Variants in SCRIB observed in about 807,000 individuals in gnomAD.
SCRIB encodes the protein protein scribble homolog.
In SCRIB, 72 loss-of-function variants were observed where a neutral mutation model predicts 170.0. That is an observed-to-expected ratio of 0.42 (90% CI 0.35 to 0.52). The LOEUF is 0.52. Ranked by LOEUF, SCRIB falls within the 20% of genes least tolerant of loss-of-function variation. The pLI, the probability that SCRIB is intolerant of heterozygous loss-of-function variation, is 0.02. For missense variants in SCRIB, 2,475 were observed against 2,338.5 expected (o/e 1.06, Z -1.20); for synonymous variants, 1,298 against 1,044.3 (o/e 1.24, Z -4.68).
rs1554635939 is a variant in SCRIB at position 143,804,722 on chromosome 8, C to T, written c.2855G>A (p.Gly952Asp). The change falls in exon 21 of 37, where the codon GGC becomes GAC. Residue 952 changes from glycine to aspartate, a missense_variant. By Grantham distance (94) the Gly-to-Asp change is moderately conservative. This residue lies in a region of SCRIB where 1,966 missense variants were observed against 1,742.9 expected (regional missense o/e 1.13). Transcript: ENST00000356994. ...TGGCAGAGGGCTGGGAGGAAGAGGG[C>T]CCCCAGCCTCCCGCTCCAACAGCAG... ...IALLLEREAG[G>D]PLPPSPLPHS... 6.3e-7 allele frequency: 1 copy of T among 1,585,990 alleles called. No individual in the cohort carries two copies.
rs772094840 is a variant in SCRIB, at chr8:143,808,698, C to G, written c.2026G>C (p.Glu676Gln). 5.8e-6 allele frequency: 9 copies of G among 1,553,172 alleles called. No individual in the cohort carries two copies. Among genetic ancestry groups the G allele is most frequent in the South Asian group, 3.8e-5 (3 of 79,610 alleles). The change falls in exon 15 of 37, where the codon GAG becomes CAG. Residue 676 changes from glutamate (E) to glutamine (Q), a missense_variant. Glu to Gln is a conservative substitution (Grantham distance 29). This residue lies in a region of SCRIB where 1,966 missense variants were observed against 1,742.9 expected (regional missense o/e 1.13). Coordinates refer to ENST00000356994, the MANE Select transcript of SCRIB (RefSeq NM_182706.5). ...TCTTCAGCCCTGTTTTCCTCCTCCTCCTCTTCCTCCTCCTCCTGAGGACTA... is the reference window on the plus strand; with the variant it reads ...TCTTCAGCCCTGTTTTCCTCCTCCTGCTCTTCCTCCTCCTCCTGAGGACTA... ...EGSPQEEEEE[E>Q]EEENRAEEEE...
At chr8:143,808,518 G>C in intron 15 of SCRIB, 91 bp downstream of exon 15, 5 of 1,434,746 alleles carry the variant, frequency 3.5e-6, no homozygotes, top group Non-Finnish European at 3.7e-6. Context: ...GGGGCCAGTG[G>C]GTCAGGCCTC....
intron 22 of SCRIB, 50 bp from the exon 23 acceptor site, chr8:143,803,990 G>A (rs1563797239): frequency 6.4e-6 from 10 of 1,574,266 alleles, no homozygotes; most frequent in Middle Eastern, 1.7e-4. Flanking sequence ...GCTGACCTGC[G>A]CTGGTACCTG....
At chr8:143,801,762 G>A (rs763881579) in intron 24 of SCRIB, among the ~76,000 whole-genome samples, 10 of 152,172 alleles carry the variant, frequency 6.6e-5, no homozygotes, top group Non-Finnish European at 1.3e-4. Flanking sequence ...CCCACTGCTC[G>A]GGACCCCTGG....
Position 143,808,831 on chromosome 8 carries a change from G to T in SCRIB, c.1893C>A (p.Gly631=), listed in dbSNP as rs745973254. 1.2e-6 allele frequency: 2 copies of T among 1,611,648 alleles called. No individual in the cohort carries two copies. Among genetic ancestry groups the T allele is most frequent in the Non-Finnish European group, 1.7e-6 (2 of 1,179,800 alleles). Residue 631 remains glycine (G), a synonymous_variant, in exon 15 of 37, where the codon GGC becomes GGA. Transcript: ENST00000356994. ...QPEAVVALLQ[G]MQPDGEGPVA... is the part of the protein sequence containing the mutation. ...CAGGGCCCTCCCCATCAGGCTGCAT[G>T]CCCTGCAGCAGAGCCACAACGGCCT...
chr8:143,813,434 T>C, intron 5 of SCRIB, 36 bp downstream of exon 5: 1 of 1,613,100 alleles, frequency 6.2e-7, no homozygotes, highest in Non-Finnish European at 8.5e-7. Flanking sequence ...GCTGTGGCCC[T>C]GCCCTGGCTG....
At position 143,808,499 on chromosome 8, in the gene SCRIB, G is replaced by C. The variant is rs374364555; in HGVS notation, c.2115+110C>G. On this transcript the variant is annotated intron_variant, in intron 15 of 36. Transcript: ENST00000356994. The stretch of plus-strand genomic sequence containing the variant: ...AGCACACGTGTCCACCACCTTCTCC[G>C]GGTGGCCAGGGGCCAGTGGGTCAGG... 7 of 1,328,772 alleles carry C rather than the reference G, an allele frequency of 5.3e-6. No individual in the cohort carries two copies. In the African/African-American group the frequency reaches 1.0e-4, roughly 20 times the overall value. The allele number at this position is 1,328,772 out of a possible 1,614,324, so 82.3% of individuals were successfully genotyped here.
At position 143,808,812 on chromosome 8, in the gene SCRIB, C is replaced by T; in HGVS notation, c.1912G>A (p.Gly638Ser). The T allele has an allele frequency of 1.2e-6, 2 of 1,612,262 alleles. No individual in the cohort carries two copies. Among genetic ancestry groups the T allele is most frequent in the South Asian group, 2.2e-5 (2 of 91,048 alleles). The part of the protein sequence containing the change: ...LLQGMQPDGE[G>S]PVAPGGWHNG... ...TGCCAGCCCCCGGGAGCCACAGGGC[C>T]CTCCCCATCAGGCTGCATGCCCTGC... The change falls in exon 15 of 37, where the codon GGC becomes AGC. Residue 638 changes from glycine (G) to serine (S), a missense_variant. Gly to Ser is a moderately conservative substitution (Grantham distance 56, BLOSUM62 0). Around this residue, in one of 3 missense-constraint regions of SCRIB, gnomAD observed 1,966 missense variants for 1,742.9 expected, o/e 1.13. Transcript: ENST00000356994.
chr8:143,804,810 C>G lies in SCRIB; in HGVS notation c.2767G>C (p.Val923Leu), dbSNP rs782192746. Residue 923 changes from valine (V) to leucine (L), a missense_variant, in exon 21 of 37, where the codon GTG becomes CTG. Coordinates refer to ENST00000356994, the MANE Select transcript of SCRIB (RefSeq NM_182706.5). ...DRVLSINGVD[V>L]TEARHDHAVS... ...GCGTGGTCATGCCTGGCCTCAGTCA[C>G]GTCCACTCCATTAATCTGTGAGAGC... is the stretch of plus-strand genomic sequence containing the variant. 1.6e-5 allele frequency: 25 copies of G among 1,592,574 alleles called. No homozygotes were observed. Among genetic ancestry groups the G allele is most frequent in the Non-Finnish European group, 2.1e-5 (25 of 1,174,612 alleles).
Position 143,793,900 on chromosome 8 carries a change from C to A in SCRIB, c.3909G>T (p.Gln1303His). 6.2e-7 allele frequency: 1 copy of A among 1,613,338 alleles called. No individual in the cohort carries two copies. Among genetic ancestry groups the A allele is most frequent in the Admixed American group, 1.7e-5 (1 of 59,998 alleles). The change falls in exon 28 of 37, where the codon CAG becomes CAT. Residue 1303 changes from glutamine (Q) to histidine (H), a missense_variant and splice_region_variant. Around this residue, in one of 3 missense-constraint regions of SCRIB, gnomAD observed 1,966 missense variants for 1,742.9 expected, o/e 1.13. Coordinates refer to ENST00000356994, the MANE Select transcript of SCRIB (RefSeq NM_182706.5). ...ACACCCGTTAACTTGGGACACTCAC[C>A]TGCTGGCCACTAGGGGAGCAGGGAG... Reference protein sequence around the residue: ...AESPCSPSGQQPPSPPSPDEL... With the variant: ...AESPCSPSGQHPPSPPSPDEL...
Position 143,803,674 on chromosome 8 carries a change from G to T in SCRIB, c.3387C>A (p.Pro1129=), listed in dbSNP as rs1554635513. Residue 1129 remains proline, a synonymous_variant, in exon 23 of 37, where the codon CCC becomes CCA. Transcript: ENST00000356994. The part of the protein sequence containing the change: ...ARGHAGNPRD[P]TDEGIFISKV... Reference sequence around the variant, plus strand: ...TGGAGATGAAGATGCCCTCGTCTGTGGGGTCGCGGGGGTTGCCAGCGTGGC... The same window carrying T: ...TGGAGATGAAGATGCCCTCGTCTGTTGGGTCGCGGGGGTTGCCAGCGTGGC... The T allele has an allele frequency of 6.4e-7, 1 of 1,569,952 alleles. No homozygotes were observed. Among genetic ancestry groups the T allele is most frequent in the South Asian group, 1.2e-5 (1 of 86,882 alleles).
intron 14 of SCRIB, among the ~76,000 whole-genome samples, 163 bp downstream of exon 14, chr8:143,809,388 G>A (rs1427951128): frequency 1.3e-5 from 2 of 152,036 alleles, no homozygotes; most frequent in Non-Finnish European, 2.9e-5. Context: ...CCAGCAGCAC[G>A]GCCCTGCACC....
At chr8:143,806,776 G>T in intron 17 of SCRIB, 148 bp downstream of exon 17, 1 of 663,074 alleles carries the variant, frequency 1.5e-6, no homozygotes, top group Non-Finnish European at 2.6e-6. Context: ...CTTGGACTTC[G>T]GGATCCCACA....
In SCRIB at chr8:143,791,006, G is replaced by A. The variant is rs782433828; in HGVS notation, c.*157C>T. On this transcript the variant is annotated 3_prime_UTR_variant, in exon 37 of 37. Coordinates refer to ENST00000356994, the MANE Select transcript of SCRIB (RefSeq NM_182706.5). ...AAACATCACTAGTTACAGTCTCGCCGAGGTCTCGGCTGGGGTGGGGCAGTT... is the reference window on the plus strand; with the variant it reads ...AAACATCACTAGTTACAGTCTCGCCAAGGTCTCGGCTGGGGTGGGGCAGTT... 4.2e-5 allele frequency: 28 copies of A among 665,436 alleles called. No individual in the cohort carries two copies. Among genetic ancestry groups the A allele is most frequent in the South Asian group, 5.4e-5 (1 of 18,370 alleles). The allele number at this position is 665,436 out of a possible 1,614,324, so 41.2% of individuals were successfully genotyped here.
In SCRIB at chr8:143,812,844, G is replaced by A. The variant is rs144565607; in HGVS notation, c.760C>T (p.Leu254=). 0.011 allele frequency: 17,457 copies of A among 1,604,468 alleles called. 116 individuals carry two copies. The highest frequency in any genetic ancestry group is 0.013 in the Non-Finnish European group (15,072 of 1,179,666). Residue 254 remains leucine (L), a synonymous_variant, in exon 8 of 37, where the codon CTG becomes TTG. Transcript: ENST00000356994. The stretch of plus-strand genomic sequence containing the variant: ...ATGCCGTCGGGCAGCCTCCGCAGCA[G>A]GTTCTGGGACAGCAGCAGGTCAGTG... The part of the protein sequence containing the change: ...LLTDLLLSQN[L]LRRLPDGIGQ...
intron 24 of SCRIB, among the ~76,000 whole-genome samples, chr8:143,799,446 G>T (rs187539192): frequency 6.6e-6 from 1 of 152,364 alleles, no homozygotes; most frequent in Admixed American, 6.5e-5. Flanking sequence ...GGAAGAGGAT[G>T]CGGACAGCAG....
At chr8:143,804,257 G>A (rs1466088802) in intron 21 of SCRIB, 101 bp from the exon 22 acceptor site, 14 of 901,386 alleles carry the variant, frequency 1.6e-5, no homozygotes, top group Middle Eastern at 2.6e-4. Context: ...GATGGCGGGC[G>A]GGGGCTGCCC....
rs568380001 is a variant in SCRIB, at chr8:143,796,088, G to A, written c.3604-558C>T. 4.6e-5 allele frequency among the ~76,000 whole-genome samples: 7 copies of A among 152,254 alleles called. No homozygotes were observed. The East Asian group carries it at 1.2e-3, about 25-fold the overall frequency. ...GCGGAGGGGGCGTCTAGAAAGGAAA[G>A]GCACTCAGATAGCTCAGGCAGGGCA... is the stretch of plus-strand genomic sequence containing the variant. On this transcript the variant is annotated intron_variant, in intron 24 of 36. Transcript: ENST00000356994.
At chr8:143,794,505 C>T (rs1355808583) in intron 27 of SCRIB, among the ~76,000 whole-genome samples, 3 of 152,162 alleles carry the variant, frequency 2.0e-5, no homozygotes, top group Admixed American at 6.5e-5. Context: ...ACCACCCCAC[C>T]GCTTGGGCAA....
Sources: allele counts gnomAD v4.1 joint callset (sites outside exome capture counted in the v4.1 genomes callset), GRCh38; gene constraint gnomAD v4.1.1; regional missense constraint gnomAD v4.1.1; transcripts MANE v1.5; gene names NCBI Gene and HGNC (gene_info 2026-07-23, HGNC 2026-07-21).